Variants in APBA2 observed in about 807,000 individuals in gnomAD.
The protein encoded by APBA2 is amyloid beta precursor protein binding family A member 2.
Under a neutral mutation model 75.0 loss-of-function variants are expected in APBA2, and 30 were observed. That is an observed-to-expected ratio of 0.40 (90% CI 0.30 to 0.54). APBA2 has a LOEUF of 0.54. APBA2 is among the 20% of genes least tolerant of loss of function. The pLI is 0.49. For synonymous variants in APBA2, 444 were observed against 409.6 expected, an observed-to-expected ratio of 1.08 and a Z score of -1.01; for missense variants, 801 against 1,016.1, an observed-to-expected ratio of 0.79 and a Z score of 2.88.
intron 3 of APBA2, among the ~76,000 whole-genome samples, chr15:29,023,753 G>T (rs2040076111): frequency 6.6e-6 from 1 of 151,452 alleles, no homozygotes; most frequent in African/African-American, 2.4e-5. Flanking sequence ...ACCACACTTG[G>T]CCCCATTTTA....
At chr15:29,009,702 A>AT (rs1318945234) in intron 3 of APBA2, among the ~76,000 whole-genome samples, 2 of 152,136 alleles carry the variant, frequency 1.3e-5, no homozygotes, top group East Asian at 3.8e-4. Flanking sequence ...ATGTCAGCTT[A>AT]TTTTATGCAA....
chr15:28,923,459 T>C (rs1363078783), intron 2 of APBA2, among the ~76,000 whole-genome samples: 2 of 151,720 alleles, frequency 1.3e-5, no homozygotes, highest in Non-Finnish European at 2.9e-5. Flanking sequence ...CCTTATGCAG[T>C]GTGTATCAGT....
intron 3 of APBA2, among the ~76,000 whole-genome samples, chr15:29,020,806 A>G (rs1475323731): frequency 6.6e-6 from 1 of 152,164 alleles, no homozygotes; most frequent in Non-Finnish European, 1.5e-5. Context: ...GTGAGACTCC[A>G]TCTCAAAAAA....
intron 4 of APBA2, among the ~76,000 whole-genome samples, chr15:29,062,575 A>T (rs1257944157): frequency 1.3e-5 from 2 of 152,038 alleles, no homozygotes; most frequent in South Asian, 4.2e-4. Context: ...GGTGGCTGTT[A>T]TTTTCAGGGA....
At chr15:28,967,790 G>C (rs1167079296) in intron 2 of APBA2, among the ~76,000 whole-genome samples, 3 of 152,134 alleles carry the variant, frequency 2.0e-5, no homozygotes. Context: ...ATTGTGGCAA[G>C]AGATACATAC....
At chr15:28,973,536 T>A (rs1184546579) in intron 2 of APBA2, among the ~76,000 whole-genome samples, 1 of 152,204 alleles carries the variant, frequency 6.6e-6, no homozygotes, top group Non-Finnish European at 1.5e-5. Flanking sequence ...AGCCACATTA[T>A]GTATGCCACA....
At chr15:29,045,123 G>T (rs1170969289) in intron 3 of APBA2, among the ~76,000 whole-genome samples, 1 of 130,726 alleles carries the variant, frequency 7.6e-6, no homozygotes, top group Non-Finnish European at 1.5e-5. Context: ...TGTCACCTGG[G>T]CTGGAGTGCA....
chr15:28,924,227 A>G (rs1199986211), intron 2 of APBA2, among the ~76,000 whole-genome samples: 1 of 151,964 alleles, frequency 6.6e-6, no homozygotes, highest in Non-Finnish European at 1.5e-5. Flanking sequence ...ATGATGAGAT[A>G]TGATGTCATC....
chr15:29,004,700 A>G (rs886541791), intron 3 of APBA2, among the ~76,000 whole-genome samples: 2 of 151,942 alleles, frequency 1.3e-5, no homozygotes, highest in African/African-American at 4.8e-5. Flanking sequence ...ATTTTTTGAG[A>G]CGGAGAATCA....
chr15:28,909,039 T>C (rs950467010), intron 1 of APBA2, among the ~76,000 whole-genome samples: 3 of 148,388 alleles, frequency 2.0e-5, no homozygotes, highest in African/African-American at 5.1e-5. Flanking sequence ...CAGGCTGGAG[T>C]GCAGTGGTGC....
intron 2 of APBA2, among the ~76,000 whole-genome samples, chr15:28,987,727 G>GATATATATATATAT (rs1252518408): frequency 2.6e-5 from 3 of 115,120 alleles, no homozygotes; most frequent in African/African-American, 1.2e-4. Flanking sequence ...TATGTGGAGA[G>GATATATATATATAT]AGATATATAT....
At chr15:29,039,387 TG>T (rs1381682683) in intron 3 of APBA2, among the ~76,000 whole-genome samples, 1 of 152,144 alleles carries the variant, frequency 6.6e-6, no homozygotes, top group Non-Finnish European at 1.5e-5. Flanking sequence ...CTTATCCTCC[TG>T]GCATCCAGCT....
intron 3 of APBA2, among the ~76,000 whole-genome samples, chr15:29,029,182 G>A (rs921119249): frequency 5.3e-5 from 8 of 151,938 alleles, no homozygotes; most frequent in African/African-American, 2.4e-5. Context: ...GTTAATTTTT[G>A]TATGAGGTGT....
At chr15:29,002,795 C>T (rs147464636) in intron 3 of APBA2, among the ~76,000 whole-genome samples, 5 of 152,128 alleles carry the variant, frequency 3.3e-5, no homozygotes, top group East Asian at 1.9e-4. Flanking sequence ...GAAAGGGTGG[C>T]GTCTTGGTGG....
chr15:28,999,478 C>T (rs1056907675), intron 3 of APBA2, among the ~76,000 whole-genome samples: 4 of 152,260 alleles, frequency 2.6e-5, no homozygotes, highest in East Asian at 1.9e-4. Flanking sequence ...CTGCCTTGCT[C>T]CTAATCTGGG....
At chr15:29,056,006 T>G (rs957082360) in intron 4 of APBA2, among the ~76,000 whole-genome samples, 1 of 152,146 alleles carries the variant, frequency 6.6e-6, no homozygotes, top group African/African-American at 2.4e-5. Flanking sequence ...GCAAAGTGTT[T>G]CTTTGGTCTT....
intron 4 of APBA2, among the ~76,000 whole-genome samples, chr15:29,056,201 T>G (rs997059578): frequency 6.6e-6 from 1 of 152,202 alleles, no homozygotes; most frequent in African/African-American, 2.4e-5. Context: ...TTTCTGGTTT[T>G]GTGCTTCATG....
In APBA2 at chr15:29,084,054, A is replaced by C. The variant is rs376844545; in HGVS notation, c.1069+7963A>C. 5.1e-4 allele frequency among the ~76,000 whole-genome samples: 77 copies of C among 152,282 alleles called. No homozygotes were observed. In the East Asian group the frequency reaches 7.7e-3, roughly 15 times the overall value. ...TTTATCCCTTTTATTGTTTTTGTAA[A>C]TGCTGACTTTCATTATTTTTCAACA... On this transcript the variant is annotated intron_variant, in intron 6 of 14. Coordinates refer to ENST00000683413, the MANE Select transcript of APBA2 (RefSeq NM_001353788.2).
At chr15:29,106,964 C>A in intron 12 of APBA2, 145 bp downstream of exon 12, 1 of 737,356 alleles carries the variant, frequency 1.4e-6, no homozygotes. Flanking sequence ...GGTGACTGGT[C>A]GATGATGGTA....
Sources: allele counts gnomAD v4.1 joint callset (sites outside exome capture counted in the v4.1 genomes callset), GRCh38; gene constraint gnomAD v4.1.1; transcripts MANE v1.5; gene names NCBI Gene and HGNC (gene_info 2026-07-23, HGNC 2026-07-21).